Variants in PLEKHA6 observed in about 807,000 individuals in gnomAD.
PLEKHA6 encodes the protein pleckstrin homology domain containing A6.
A neutral mutation model predicts 116.7 loss-of-function variants in PLEKHA6; 60 were observed. That is an observed-to-expected ratio of 0.51 (90% CI 0.42 to 0.64). The LOEUF (loss-of-function observed/expected upper bound fraction) is 0.64. PLEKHA6 is among the 30% of genes least tolerant of loss of function. The pLI, the probability that PLEKHA6 is intolerant of heterozygous loss-of-function variation, is 0.00. For synonymous variants in PLEKHA6, 489 were observed against 556.1 expected (o/e 0.88, Z 1.70); for missense variants, 1,338 against 1,422.7 (o/e 0.94, Z 0.96).
chr1:204,251,143 C>G (rs186224050), intron 9 of PLEKHA6, among the ~76,000 whole-genome samples: 1 of 152,234 alleles, frequency 6.6e-6, no homozygotes, highest in African/African-American at 2.4e-5. Flanking sequence ...GACGCCACAT[C>G]TGGTGACCAC....
chr1:204,297,828 G>A, intron 1 of PLEKHA6: 1 of 911,172 alleles, frequency 1.1e-6, no homozygotes, highest in Non-Finnish European at 1.3e-6. Flanking sequence ...GATCCAAAAG[G>A]ATTTAGGGTT....
At chr1:204,368,213 A>G (rs1217023164) in intron 2 of PLEKHA6, among the ~76,000 whole-genome samples, 1 of 152,164 alleles carries the variant, frequency 6.6e-6, no homozygotes, top group African/African-American at 2.4e-5. Flanking sequence ...ACAACAGTGA[A>G]CACACAGATG....
intron 1 of PLEKHA6, among the ~76,000 whole-genome samples, chr1:204,351,111 C>G (rs944498768): frequency 6.6e-6 from 1 of 152,204 alleles, no homozygotes; most frequent in Non-Finnish European, 1.5e-5. Flanking sequence ...CGCCAGGCTG[C>G]CTTGCTTAGG....
intron 1 of PLEKHA6, among the ~76,000 whole-genome samples, chr1:204,297,616 G>GT (rs1173226305): frequency 6.6e-6 from 1 of 151,788 alleles, no homozygotes; most frequent in Non-Finnish European, 1.5e-5. Context: ...TCGGCAACAG[G>GT]GGGGGTGGGT....
rs748405911 is a variant in PLEKHA6 at position 204,257,878 on chromosome 1, G to A, written c.1008-9C>T. 3.1e-6 allele frequency: 5 copies of A among 1,591,824 alleles called. No homozygotes were observed. The highest frequency in any genetic ancestry group is 4.3e-6 in the Non-Finnish European group (5 of 1,164,782). ...GATAGAACCTAGAGGGACTGAGAGA[G>A]AGGGGACATTGTAATGAAGGCAGAC... On this transcript the variant is annotated splice_polypyrimidine_tract_variant and intron_variant, in intron 8 of 22. Transcript: ENST00000272203. The surrounding 1 kb of genome is among the most constrained non-coding windows in gnomAD (Gnocchi z 6.5).
intron 1 of PLEKHA6, among the ~76,000 whole-genome samples, chr1:204,312,141 C>T (rs1228800721): frequency 6.6e-6 from 1 of 152,208 alleles, no homozygotes; most frequent in Non-Finnish European, 1.5e-5. Context: ...GTCAGTGACA[C>T]AGCCAAAATT....
rs577058228 is a variant in PLEKHA6, at chr1:204,272,844, C to G, written c.102+782G>C. On this transcript the variant is annotated intron_variant, in intron 3 of 22. Transcript: ENST00000272203. ...CAGGATTTATCCTTGTTAATACATA[C>G]AGCTCCAGTTCATTTTAATTTTTGG... 5.3e-5 allele frequency among the ~76,000 whole-genome samples: 8 copies of G among 152,352 alleles called. No individual in the cohort carries two copies. In the South Asian group the frequency reaches 1.7e-3, roughly 32 times the overall value.
chr1:204,229,508 G>A (rs7516957), intron 18 of PLEKHA6, among the ~76,000 whole-genome samples: 203 of 152,282 alleles, frequency 1.3e-3, no homozygotes, highest in Middle Eastern at 3.4e-3. Flanking sequence ...CCAACTCCTG[G>A]CCTCGAGTCC....
chr1:204,297,204 GATGTGAC>G, intron 1 of PLEKHA6: 1 of 982,014 alleles, frequency 1.0e-6, no homozygotes, highest in Non-Finnish European at 1.2e-6. Context: ...ATTTGTCTTT[GATGTGAC>G]ATTTAACTCC....
intron 1 of PLEKHA6, among the ~76,000 whole-genome samples, chr1:204,288,030 G>A (rs967615677): frequency 1.3e-5 from 2 of 152,154 alleles, no homozygotes; most frequent in Non-Finnish European, 2.9e-5. Flanking sequence ...TGATAGAATG[G>A]GTATATCTAG....
chr1:204,297,115 G>T (rs1400779884), intron 1 of PLEKHA6: 1 of 983,722 alleles, frequency 1.0e-6, no homozygotes, highest in African/African-American at 1.7e-5. Context: ...CAACAGTAGA[G>T]ATAAAATCCG....
At chr1:204,327,594 A>G (rs1008392742) in intron 1 of PLEKHA6, among the ~76,000 whole-genome samples, 9 of 152,220 alleles carry the variant, frequency 5.9e-5, no homozygotes, top group East Asian at 1.9e-4. Flanking sequence ...GTGGTGTCCA[A>G]TGGTCTAACT....
chr1:204,277,123 A>G lies in PLEKHA6; in HGVS notation c.-94-2314T>C, dbSNP rs1243719913. The G allele has an allele frequency of 6.6e-6, 1 of 152,592 alleles. No homozygotes were observed. Among genetic ancestry groups the G allele is most frequent in the Non-Finnish European group, 1.5e-5 (1 of 68,068 alleles). The allele number at this position is 152,592 out of a possible 1,614,324, so 9.5% of individuals were successfully genotyped here. A position where few individuals can be genotyped will look rare whatever the true frequency, so the allele number is the denominator to read the frequency against. On this transcript the variant is annotated intron_variant, in intron 1 of 22. Transcript: ENST00000272203. This position sits in a 1 kb window ranked among gnomAD's most constrained non-coding sequence, Gnocchi z 4.1. ...TCTGAGAAGTAAGTCCTCTGGTCCA[A>G]CTCGTAAGGCTGTGGCAGAGATGCA...
intron 1 of PLEKHA6, among the ~76,000 whole-genome samples, chr1:204,316,784 A>G (rs936978067): frequency 6.6e-6 from 1 of 152,246 alleles, no homozygotes; most frequent in Non-Finnish European, 1.5e-5. Flanking sequence ...AAATCAATAA[A>G]GATGTCAGCT....
chr1:204,349,452 A>T (rs889853973), intron 1 of PLEKHA6, among the ~76,000 whole-genome samples: 6 of 151,598 alleles, frequency 4.0e-5, no homozygotes, highest in Non-Finnish European at 8.8e-5. Context: ...GAGGCAGGAG[A>T]ATCACTTGAA....
chr1:204,346,918 T>G, intron 1 of PLEKHA6: 5 of 1,252,496 alleles, frequency 4.0e-6, no homozygotes, highest in Non-Finnish European at 5.8e-6. Flanking sequence ...TTTCTTTTTC[T>G]GATCATTTTC....
intron 17 of PLEKHA6, among the ~76,000 whole-genome samples, chr1:204,233,042 G>C (rs887065437): frequency 6.6e-6 from 1 of 151,902 alleles, no homozygotes; most frequent in Non-Finnish European, 1.5e-5. Context: ...GGCTCAAATG[G>C]TCCTCCTGCC....
chr1:204,294,688 C>T (rs113994709), intron 1 of PLEKHA6, among the ~76,000 whole-genome samples: 1,528 of 152,306 alleles, frequency 0.01, 25 homozygotes, highest in African/African-American at 0.032. Flanking sequence ...CCCGGCTCCA[C>T]CAGTTACTAC....
At chr1:204,342,330 A>T (rs1390761635) in intron 1 of PLEKHA6, among the ~76,000 whole-genome samples, 4 of 152,222 alleles carry the variant, frequency 2.6e-5, no homozygotes, top group African/African-American at 9.7e-5. Context: ...AGCAAAAACA[A>T]ACAAACAAAC....
Sources: gnomAD v4.1 joint callset for allele counts (sites outside exome capture counted in the v4.1 genomes callset) on GRCh38, gnomAD v4.1.1 for gene constraint, Gnocchi (gnomAD v3.1) non-coding constraint, MANE v1.5 for transcripts, NCBI Gene and HGNC (gene_info 2026-07-23, HGNC 2026-07-21) for gene names.